UVRAG: variants seen among roughly 807,000 people sequenced by gnomAD.
The protein encoded by UVRAG is UV radiation resistance-associated gene protein.
A neutral mutation model predicts 78.0 loss-of-function variants in UVRAG; 19 were observed. The ratio of observed to expected loss-of-function variants is 0.24; its 90% CI spans 0.17 to 0.36. The LOEUF (loss-of-function observed/expected upper bound fraction) is 0.36, where lower values mean the gene tolerates loss of function less well. UVRAG is among the 10% of genes least tolerant of loss of function. UVRAG has a pLI of 1.00. For synonymous variants in UVRAG, 323 were observed against 324.6 expected, an observed-to-expected ratio of 1.00 and a Z score of 0.05; for missense variants, 740 against 853.8, an observed-to-expected ratio of 0.87 and a Z score of 1.66.
intron 1 of UVRAG, among the ~76,000 whole-genome samples, chr11:75,832,188 A>T (rs923489737): frequency 6.6e-6 from 1 of 152,074 alleles, no homozygotes; most frequent in Admixed American, 6.5e-5. Flanking sequence ...ACATCAACCA[A>T]TTCTTTTACA....
chr11:75,961,046 G>A (rs966528407), intron 6 of UVRAG, among the ~76,000 whole-genome samples: 8 of 150,364 alleles, frequency 5.3e-5, no homozygotes, highest in African/African-American at 2.0e-4. Flanking sequence ...TTCCTTTATG[G>A]ATACCTAGAA....
intron 12 of UVRAG, among the ~76,000 whole-genome samples, chr11:76,038,624 C>T (rs1023945783): frequency 1.4e-4 from 21 of 152,188 alleles, no homozygotes; most frequent in African/African-American, 5.1e-4. Flanking sequence ...TAGAATTTTC[C>T]TCCCATGATT....
intron 7 of UVRAG, among the ~76,000 whole-genome samples, chr11:75,966,540 A>G (rs188144269): frequency 1.3e-5 from 2 of 152,220 alleles, no homozygotes; most frequent in East Asian, 3.9e-4. Context: ...TTGTCGACAT[A>G]TATGTATGAG....
intron 6 of UVRAG, among the ~76,000 whole-genome samples, chr11:75,920,121 G>A (rs1947948654): frequency 7.7e-6 from 1 of 130,198 alleles, no homozygotes; most frequent in South Asian, 2.6e-4. Context: ...CGCCTCTCCA[G>A]TTCAAGCGAT....
chr11:76,115,950 T>A lies in UVRAG; in HGVS notation c.1332T>A (p.Thr444=). Residue 444 remains threonine, a synonymous_variant, in exon 14 of 15, where the codon ACT becomes ACA. Transcript: ENST00000356136. ...AQLRYQHGLG[T]PDLRQTLPNL... is the part of the protein sequence containing the mutation. ...TAAGATATCAACATGGACTAGGGACTCCAGACTTGCGGCAAACCCTTCCCA... is the reference window on the plus strand; with the variant it reads ...TAAGATATCAACATGGACTAGGGACACCAGACTTGCGGCAAACCCTTCCCA... 6.2e-7 allele frequency: 1 copy of A among 1,613,926 alleles called. No homozygotes were observed. Among genetic ancestry groups the A allele is most frequent in the Non-Finnish European group, 8.5e-7 (1 of 1,179,878 alleles).
Position 76,016,989 on chromosome 11 carries a change from CT to C in UVRAG, c.1226+17del, listed in dbSNP as rs751105095. On this transcript the variant is annotated intron_variant, in intron 12 of 14. Coordinates refer to ENST00000356136, the MANE Select transcript of UVRAG (RefSeq NM_003369.4). ...ACGGAAAAGGAGAGAGAGTAAGTGT[CT>C]TTTTTTTAAAAAAATGATTTTAACA... 3.1e-5 allele frequency: 48 copies of C among 1,570,646 alleles called. No homozygotes were observed. Among genetic ancestry groups the C allele is most frequent in the South Asian group, 7.3e-5 (6 of 82,696 alleles).
chr11:75,853,281 A>G (rs1014147315), intron 2 of UVRAG, among the ~76,000 whole-genome samples: 1 of 152,084 alleles, frequency 6.6e-6, no homozygotes, highest in African/African-American at 2.4e-5. Flanking sequence ...CAATTCCAGT[A>G]TCTGCTCATT....
chr11:75,868,301 G>T (rs957462809), intron 3 of UVRAG, among the ~76,000 whole-genome samples: 1 of 152,180 alleles, frequency 6.6e-6, no homozygotes, highest in African/African-American at 2.4e-5. Flanking sequence ...TCAAGAAATG[G>T]CTAAGAAGTT....
At chr11:76,041,825 ATCAC>A (rs1208518832) in intron 12 of UVRAG, among the ~76,000 whole-genome samples, 1 of 152,220 alleles carries the variant, frequency 6.6e-6, no homozygotes, top group African/African-American at 2.4e-5. Context: ...AATAATAGTA[ATCAC>A]TCAGAAAATT....
intron 7 of UVRAG, among the ~76,000 whole-genome samples, chr11:75,966,771 C>G (rs1949032245): frequency 1.3e-5 from 2 of 152,126 alleles, no homozygotes; most frequent in African/African-American, 4.8e-5. Context: ...AGGTAGTTAA[C>G]TTGGTTAGGC....
intron 2 of UVRAG, among the ~76,000 whole-genome samples, chr11:75,860,886 A>G (rs976284634): frequency 3.9e-5 from 6 of 151,930 alleles, no homozygotes; most frequent in African/African-American, 1.5e-4. Context: ...CCTGGGTTCA[A>G]GCAATTCTCC....
chr11:75,933,093 C>T lies in UVRAG; in HGVS notation c.593+21054C>T, dbSNP rs535659015. ...TAACAAAACTTCAGGAATCACATTA[C>T]CTGACTTTAAATTATACTACAGATC... On this transcript the variant is annotated intron_variant, in intron 6 of 14. Coordinates refer to ENST00000356136, the MANE Select transcript of UVRAG (RefSeq NM_003369.4). Among the ~76,000 whole-genome samples the T allele has an allele frequency of 2.6e-5, 4 of 152,270 alleles. No individual in the cohort carries two copies. In the South Asian group the frequency reaches 8.3e-4, roughly 32 times the overall value.
At chr11:76,036,177 A>G (rs1421304614) in intron 12 of UVRAG, among the ~76,000 whole-genome samples, 1 of 152,238 alleles carries the variant, frequency 6.6e-6, no homozygotes, top group African/African-American at 2.4e-5. Flanking sequence ...ATCAGGATCT[A>G]GTTGTTTGAC....
chr11:76,016,735 T>C (rs1705466527), intron 11 of UVRAG, 80 bp from the exon 12 acceptor site: 2 of 1,230,864 alleles, frequency 1.6e-6, no homozygotes, highest in Middle Eastern at 2.4e-4. Flanking sequence ...TATAAAATAT[T>C]CTTTGAAAAT....
chr11:76,085,946 T>C (rs916401268), intron 13 of UVRAG, among the ~76,000 whole-genome samples: 3 of 152,144 alleles, frequency 2.0e-5, no homozygotes, highest in Non-Finnish European at 2.9e-5. Flanking sequence ...CCCAGTGCCC[T>C]CATTCTACTC....
chr11:75,835,651 G>T (rs1028272613), intron 1 of UVRAG, among the ~76,000 whole-genome samples: 6 of 152,130 alleles, frequency 3.9e-5, no homozygotes, highest in Non-Finnish European at 8.8e-5. Flanking sequence ...CAAAAATAGA[G>T]ATGTCAAGAG....
intron 13 of UVRAG, among the ~76,000 whole-genome samples, chr11:76,108,344 C>T (rs1952007641): frequency 6.6e-6 from 1 of 152,158 alleles, no homozygotes; most frequent in South Asian, 2.1e-4. Context: ...TTAAACCTCT[C>T]AGCTCAATAG....
At chr11:75,877,535 C>G (rs1331231484) in intron 3 of UVRAG, among the ~76,000 whole-genome samples, 2 of 144,486 alleles carry the variant, frequency 1.4e-5, no homozygotes, top group Non-Finnish European at 3.0e-5. Context: ...CCCTCCCGGA[C>G]GGGGTGGCTG....
At chr11:75,831,575 A>G (rs193206984) in intron 1 of UVRAG, among the ~76,000 whole-genome samples, 265 of 152,260 alleles carry the variant, frequency 1.7e-3, no homozygotes, top group Non-Finnish European at 3.0e-3. Flanking sequence ...ATAAGAGATG[A>G]TTCGAAAAAA....
Sources: gnomAD v4.1 joint callset for allele counts (sites outside exome capture counted in the v4.1 genomes callset) on GRCh38, gnomAD v4.1.1 for gene constraint, MANE v1.5 for transcripts, NCBI Gene and HGNC (gene_info 2026-07-23, HGNC 2026-07-21) for gene names.